The following SPMIP11 variants were observed in gnomAD, a reference collection of about 807,000 sequenced individuals.
The protein encoded by SPMIP11 is sperm microtubule inner protein 11, also known as long intergenic non-protein coding RNA 935.
the SPMIP11 span, among the ~76,000 whole-genome samples, chr12:48,744,248 C>CAAA: frequency 5.0e-3 from 494 of 98,234 alleles, 6 homozygotes; most frequent in African/African-American, 0.018. Flanking sequence ...AGCAACCTCT[C>CAAA]AAAAAAAAAA....
chr12:48,752,968 G>A, the SPMIP11 span, among the ~76,000 whole-genome samples: 1 of 152,028 alleles, frequency 6.6e-6, no homozygotes, highest in African/African-American at 2.4e-5. Context: ...CACTGTGCCA[G>A]GCCATCCTAT....
the SPMIP11 span, chr12:48,768,470 C>G: frequency 1.3e-5 from 19 of 1,425,632 alleles, no homozygotes; most frequent in African/African-American, 2.5e-4. Context: ...CTGGGATGTT[C>G]CCTTTTGTGG....
the SPMIP11 span, among the ~76,000 whole-genome samples, chr12:48,745,114 C>CA: frequency 1.3e-5 from 2 of 151,490 alleles, no homozygotes. Context: ...ACTAAAAATA[C>CA]AAAAAAATTA....
chr12:48,742,277 C>CTTTTTTTTTTTTTTT, the SPMIP11 span, among the ~76,000 whole-genome samples: 5 of 87,222 alleles, frequency 5.7e-5, 1 homozygote, highest in Admixed American at 1.4e-4. Flanking sequence ...CTTTTCTTTT[C>CTTTTTTTTTTTTTTT]CTTTTTTTTT....
chr12:48,734,883 T>G, the SPMIP11 span, among the ~76,000 whole-genome samples: 1 of 150,904 alleles, frequency 6.6e-6, no homozygotes, highest in East Asian at 2.0e-4. Context: ...CGGGCGGCTG[T>G]AGTCCCAGCT....
the SPMIP11 span, among the ~76,000 whole-genome samples, chr12:48,729,450 C>T: frequency 6.6e-6 from 1 of 152,098 alleles, no homozygotes; most frequent in Non-Finnish European, 1.5e-5. Flanking sequence ...AGGAGAATTG[C>T]TTGAACCCAG....
chr12:48,761,217 C>T, the SPMIP11 span, among the ~76,000 whole-genome samples: 1 of 151,850 alleles, frequency 6.6e-6, no homozygotes, highest in African/African-American at 2.4e-5. Flanking sequence ...GAAGACGAGG[C>T]GGGCGGATCA....
chr12:48,765,578 G>T, the SPMIP11 span: 3 of 702,722 alleles, frequency 4.3e-6, no homozygotes, highest in Non-Finnish European at 5.2e-6. Context: ...TGGCCTGGCT[G>T]AATCTCTCTC....
chr12:48,765,126 T>A, the SPMIP11 span: 1 of 594,748 alleles, frequency 1.7e-6, no homozygotes, highest in Non-Finnish European at 3.0e-6. Context: ...CAGAGAAAAC[T>A]GGCCCCAGAA....
At chr12:48,758,509 A>G in the SPMIP11 span, among the ~76,000 whole-genome samples, 1 of 152,230 alleles carries the variant, frequency 6.6e-6, no homozygotes. Flanking sequence ...GGCCTAGCCA[A>G]AATTCTTTGT....
the SPMIP11 span, among the ~76,000 whole-genome samples, chr12:48,744,497 G>T: frequency 6.6e-6 from 1 of 152,262 alleles, no homozygotes; most frequent in South Asian, 2.1e-4. Flanking sequence ...ACTTTGGGAG[G>T]CTGAGGTTGG....
At chr12:48,770,946 G>A in the SPMIP11 span, 1 of 1,614,106 alleles carries the variant, frequency 6.2e-7, no homozygotes, top group Non-Finnish European at 8.5e-7. Context: ...TTTTCCAGCT[G>A]CCGGAACCGC....
chr12:48,748,811 T>C, the SPMIP11 span, among the ~76,000 whole-genome samples: 1 of 152,302 alleles, frequency 6.6e-6, no homozygotes, highest in African/African-American at 2.4e-5. Flanking sequence ...TCTACCTGCA[T>C]CTGTGCCCAT....
chr12:48,751,482 T>A, the SPMIP11 span, among the ~76,000 whole-genome samples: 1 of 152,084 alleles, frequency 6.6e-6, no homozygotes, highest in Non-Finnish European at 1.5e-5. Context: ...GGCGCATGCC[T>A]GTAGTCCCAG....
the SPMIP11 span, among the ~76,000 whole-genome samples, chr12:48,749,497 G>A: frequency 2.8e-4 from 42 of 151,066 alleles, no homozygotes; most frequent in Admixed American, 2.0e-3. Context: ...GCATGGTGGC[G>A]TATGCCTGTA....
At chr12:48,761,416 A>C in the SPMIP11 span, among the ~76,000 whole-genome samples, 2 of 147,804 alleles carry the variant, frequency 1.4e-5, no homozygotes, top group African/African-American at 5.0e-5. Context: ...GCACCATTGC[A>C]CTCCAGCCTG....
chr12:48,742,089 A>C, the SPMIP11 span, among the ~76,000 whole-genome samples: 8 of 152,052 alleles, frequency 5.3e-5, no homozygotes, highest in African/African-American at 1.9e-4. Context: ...TTTTAAAAAA[A>C]ATTTTTTGTA....
chr12:48,768,610 T>A, the SPMIP11 span: 1 of 1,614,052 alleles, frequency 6.2e-7, no homozygotes, highest in Non-Finnish European at 8.5e-7. Context: ...GGGGCCCCCA[T>A]TGAGGAAGTA....
At chr12:48,742,100 G>A in the SPMIP11 span, among the ~76,000 whole-genome samples, 1 of 151,822 alleles carries the variant, frequency 6.6e-6, no homozygotes, top group Admixed American at 6.6e-5. Flanking sequence ...ATTTTTTGTA[G>A]ACACAGGGTC....
Sources: allele counts gnomAD v4.1 joint callset (sites outside exome capture counted in the v4.1 genomes callset), GRCh38; gene constraint gnomAD v4.1.1; transcripts MANE v1.5; gene names NCBI Gene and HGNC (gene_info 2026-07-23, HGNC 2026-07-21).